MNDA: variants seen among roughly 807,000 people sequenced by gnomAD.
MNDA encodes epididymis secretory sperm binding protein.
MNDA carries 43 observed loss-of-function variants against 37.8 expected under a neutral mutation model. That is an observed-to-expected ratio of 1.14 (90% CI 0.89 to 1.47). MNDA has a LOEUF of 1.47. MNDA is among the 40% of genes most tolerant of loss of function. MNDA has a pLI of 0.00. For synonymous variants in MNDA, 181 were observed against 169.0 expected, an observed-to-expected ratio of 1.07 and a Z score of -0.55; for missense variants, 536 against 476.0, an observed-to-expected ratio of 1.13 and a Z score of -1.17.
In MNDA at chr1:158,849,334, T is replaced by C. The variant is rs1659203271; in HGVS notation, c.*97T>C. The C allele has an allele frequency of 9.3e-7, 1 of 1,071,082 alleles. No individual in the cohort carries two copies. Among genetic ancestry groups the C allele is most frequent in the African/African-American group, 1.6e-5 (1 of 62,602 alleles). The allele number at this position is 1,071,082 out of a possible 1,614,324, so 66.3% of individuals were successfully genotyped here. ...AAATTTCAGTAATTCATTTAAATGA[T>C]GTTTCAGTAGATATATTCTAGCATA... On this transcript the variant is annotated 3_prime_UTR_variant, in exon 7 of 7. Coordinates refer to ENST00000368141, the MANE Select transcript of MNDA (RefSeq NM_002432.3).
intron 1 of MNDA, among the ~76,000 whole-genome samples, chr1:158,840,446 G>A (rs995661525): frequency 3.9e-5 from 6 of 152,150 alleles, no homozygotes; most frequent in African/African-American, 1.4e-4. Flanking sequence ...TAGATCTCAT[G>A]AGAACTTGCT....
chr1:158,843,676 A>C (rs1376770538), intron 3 of MNDA, among the ~76,000 whole-genome samples: 1 of 152,108 alleles, frequency 6.6e-6, no homozygotes, highest in Non-Finnish European at 1.5e-5. Flanking sequence ...ACAAATCTAG[A>C]TTTTCTCATT....
chr1:158,845,164 C>T (rs1024369956), intron 4 of MNDA, among the ~76,000 whole-genome samples: 1 of 152,316 alleles, frequency 6.6e-6, no homozygotes, highest in African/African-American at 2.4e-5. Context: ...GGGTCGAAAG[C>T]TCTGCAGAGT....
chr1:158,836,010 T>A (rs1658906359), intron 1 of MNDA, among the ~76,000 whole-genome samples: 1 of 151,926 alleles, frequency 6.6e-6, no homozygotes, highest in Non-Finnish European at 1.5e-5. Context: ...ATATTTTCAG[T>A]CTTTTACCAT....
At chr1:158,835,829 A>G (rs759217041) in intron 1 of MNDA, among the ~76,000 whole-genome samples, 6 of 151,944 alleles carry the variant, frequency 3.9e-5, no homozygotes, top group African/African-American at 9.7e-5. Flanking sequence ...TGTTTCTAAC[A>G]TGAAAGGCTA....
At chr1:158,832,472 T>C (rs1289800012) in intron 1 of MNDA, among the ~76,000 whole-genome samples, 1 of 151,854 alleles carries the variant, frequency 6.6e-6, no homozygotes. Flanking sequence ...TTTCTCATTG[T>C]AGTTCTTTTG....
intron 4 of MNDA, among the ~76,000 whole-genome samples, chr1:158,844,781 A>ATG (rs1558057658): frequency 9.3e-6 from 1 of 107,378 alleles, no homozygotes; most frequent in African/African-American, 3.0e-5. Context: ...ACATCTAATG[A>ATG]TGTTTGAGGC....
At chr1:158,840,081 C>T (rs1658999716) in intron 1 of MNDA, among the ~76,000 whole-genome samples, 1 of 152,144 alleles carries the variant, frequency 6.6e-6, no homozygotes, top group Non-Finnish European at 1.5e-5. Flanking sequence ...TTTAGAAAGA[C>T]TACTTAATGC....
At chr1:158,839,037 T>G (rs1199475663) in intron 1 of MNDA, among the ~76,000 whole-genome samples, 3 of 152,192 alleles carry the variant, frequency 2.0e-5, no homozygotes, top group Non-Finnish European at 4.4e-5. Flanking sequence ...TATTTAAGAG[T>G]GCTGTTTTAG....
chr1:158,843,509 T>C, intron 3 of MNDA, 94 bp downstream of exon 3: 1 of 1,264,854 alleles, frequency 7.9e-7, no homozygotes, highest in East Asian at 2.8e-5. Context: ...ACAGCTTAGA[T>C]TTACCAAATT....
chr1:158,848,029 A>G (rs1659175941), intron 6 of MNDA, 113 bp downstream of exon 6: 6 of 964,746 alleles, frequency 6.2e-6, no homozygotes, highest in Non-Finnish European at 9.4e-6. Flanking sequence ...GAGTGGAAGG[A>G]GAACCTAAAC....
chr1:158,846,270 G>A (rs1373914549), intron 5 of MNDA, among the ~76,000 whole-genome samples: 1 of 152,204 alleles, frequency 6.6e-6, no homozygotes, highest in Non-Finnish European at 1.5e-5. Flanking sequence ...GGACAATACA[G>A]GGTCCAAATC....
chr1:158,836,139 T>G (rs918979797), intron 1 of MNDA, among the ~76,000 whole-genome samples: 1 of 135,282 alleles, frequency 7.4e-6, no homozygotes, highest in African/African-American at 2.6e-5. Flanking sequence ...GCTAGCATTT[T>G]GTAAAAAAAA....
chr1:158,832,093 A>G (rs1478519407), intron 1 of MNDA, among the ~76,000 whole-genome samples: 2 of 152,144 alleles, frequency 1.3e-5, no homozygotes, highest in Non-Finnish European at 2.9e-5. Flanking sequence ...TTCATTTTAC[A>G]ACAAGTGTAA....
chr1:158,842,331 G>T lies in MNDA; in HGVS notation c.178G>T (p.Ala60Ser). 1 of 1,614,142 alleles carries T rather than the reference G, an allele frequency of 6.2e-7. No homozygotes were observed. The change falls in exon 2 of 7, where the codon GCC (alanine) becomes TCC (serine). Residue 60 changes from alanine (A) to serine (S), a missense_variant. Physicochemically the swap from Ala to Ser is moderately conservative, Grantham distance 99. Transcript: ENST00000368141. The part of the protein sequence containing the change: ...DLMEKKFQGV[A>S]CLDKLIELAK... Reference sequence around the variant, plus strand: ...GATGGAAAAAAAGTTCCAAGGCGTTGCCTGTCTAGACAAACTAATAGAACT... The same window carrying T: ...GATGGAAAAAAAGTTCCAAGGCGTTTCCTGTCTAGACAAACTAATAGAACT...
Position 158,845,801 on chromosome 1 carries a change from G to GGAA in MNDA, c.790_792dup (p.Lys264dup). The GGAA allele has an allele frequency of 6.2e-7, 1 of 1,613,942 alleles. No homozygotes were observed. ...ATCAACTTGAAAGAGAAATTTGTAA[G>GGAA]GAAGAAGGTCATTACCATATCTGAT... On this transcript the variant is annotated inframe_insertion, in exon 5 of 7. Coordinates refer to ENST00000368141, the MANE Select transcript of MNDA (RefSeq NM_002432.3).
chr1:158,839,679 C>A (rs545476465), intron 1 of MNDA, among the ~76,000 whole-genome samples: 1 of 152,116 alleles, frequency 6.6e-6, no homozygotes, highest in African/African-American at 2.4e-5. Flanking sequence ...CTCCTGATCA[C>A]GTCACACCAT....
chr1:158,832,681 A>G (rs1658827459), intron 1 of MNDA, among the ~76,000 whole-genome samples: 1 of 151,744 alleles, frequency 6.6e-6, no homozygotes, highest in Non-Finnish European at 1.5e-5. Flanking sequence ...ACTGATACTT[A>G]TTGACTTAAG....
intron 1 of MNDA, among the ~76,000 whole-genome samples, chr1:158,836,128 C>T (rs1256558126): frequency 1.4e-5 from 2 of 141,806 alleles, no homozygotes; most frequent in African/African-American, 5.1e-5. Context: ...TAATTATGTT[C>T]GCTAGCATTT....
Sources: allele counts gnomAD v4.1 joint callset (sites outside exome capture counted in the v4.1 genomes callset), GRCh38; gene constraint gnomAD v4.1.1; transcripts MANE v1.5; gene names NCBI Gene and HGNC (gene_info 2026-07-23, HGNC 2026-07-21).